Variants in MTFR1 observed in about 807,000 individuals in gnomAD.
MTFR1 encodes chondrocyte protein with a poly-proline region.
Under a neutral mutation model 38.8 loss-of-function variants are expected in MTFR1, and 28 were observed. The observed-to-expected ratio is 0.72, with a 90% CI of 0.53 to 0.99. MTFR1 has a LOEUF of 0.99. Ranked by LOEUF, MTFR1 falls within the 50% of genes least tolerant of loss-of-function variation. The pLI is 0.00. For synonymous variants in MTFR1, 145 were observed against 137.0 expected (o/e 1.06, Z -0.41); for missense variants, 358 against 395.5 (o/e 0.91, Z 0.81).
chr8:65,736,975 CA>C (rs756987916), intron 3 of MTFR1, among the ~76,000 whole-genome samples: 3 of 149,698 alleles, frequency 2.0e-5, no homozygotes, highest in Non-Finnish European at 3.0e-5. Flanking sequence ...CTCCACCTCC[CA>C]GGTTCAAGTG....
At chr8:65,670,061 A>G (rs1804527149) in intron 2 of MTFR1, 43 bp downstream of exon 2, 1 of 1,510,668 alleles carries the variant, frequency 6.6e-7, no homozygotes, top group South Asian at 1.2e-5. Flanking sequence ...ACATTTAGAT[A>G]TTTTAAGAAT....
chr8:65,676,980 G>GCA (rs142627153), intron 2 of MTFR1, among the ~76,000 whole-genome samples: 46 of 150,940 alleles, frequency 3.0e-4, no homozygotes, highest in African/African-American at 1.1e-3. Flanking sequence ...GCATGTGCGC[G>GCA]CACACACACA....
intron 3 of MTFR1, chr8:65,726,959 G>C: frequency 6.3e-7 from 1 of 1,584,436 alleles, no homozygotes; most frequent in Middle Eastern, 1.7e-4. Context: ...TTCCAGTACT[G>C]AGGTATTCTA....
At chr8:65,751,553 T>C (rs547007424) in intron 3 of MTFR1, among the ~76,000 whole-genome samples, 1 of 152,174 alleles carries the variant, frequency 6.6e-6, no homozygotes, top group South Asian at 2.1e-4. Flanking sequence ...AGTGCAATGG[T>C]GCGATATCGG....
chr8:65,650,910 A>G (rs1298346756), intron 1 of MTFR1, among the ~76,000 whole-genome samples: 1 of 152,200 alleles, frequency 6.6e-6, no homozygotes, highest in Non-Finnish European at 1.5e-5. Flanking sequence ...GCAAATTTAC[A>G]GTCCCACCAA....
intron 3 of MTFR1, chr8:65,727,976 G>T (rs774294003): frequency 6.6e-6 from 1 of 152,124 alleles, no homozygotes; most frequent in Non-Finnish European, 1.5e-5. Context: ...ATAAATAAAA[G>T]TTTATGATTA....
intron 3 of MTFR1, among the ~76,000 whole-genome samples, chr8:65,756,533 C>G (rs1468159316): frequency 6.6e-6 from 1 of 152,098 alleles, no homozygotes; most frequent in Admixed American, 6.5e-5. Flanking sequence ...GTTTCAACAG[C>G]AGATTTTTCA....
intron 3 of MTFR1, among the ~76,000 whole-genome samples, chr8:65,742,184 C>T (rs79188566): frequency 6.6e-6 from 1 of 152,230 alleles, no homozygotes; most frequent in East Asian, 1.9e-4. Flanking sequence ...GAAAAGCTAC[C>T]CACATAAAAA....
At chr8:65,768,749 ACTT>A (rs1444746347) in intron 3 of MTFR1, among the ~76,000 whole-genome samples, 3 of 152,214 alleles carry the variant, frequency 2.0e-5, no homozygotes, top group Non-Finnish European at 4.4e-5. Context: ...GTTAACAATG[ACTT>A]CTTTATGTAA....
At chr8:65,763,363 C>T (rs184277503) in intron 3 of MTFR1, among the ~76,000 whole-genome samples, 2,025 of 152,126 alleles carry the variant, frequency 0.013, 29 homozygotes, top group South Asian at 0.066. Context: ...GTCAGAAGTT[C>T]GAGACCAGCC....
chr8:65,690,437 G>A (rs1166346823), intron 3 of MTFR1, among the ~76,000 whole-genome samples: 1 of 152,124 alleles, frequency 6.6e-6, no homozygotes, highest in Non-Finnish European at 1.5e-5. Flanking sequence ...GCTTACGCAG[G>A]TGAATTGCTT....
At chr8:65,651,379 C>A (rs544556362) in intron 1 of MTFR1, among the ~76,000 whole-genome samples, 3 of 152,284 alleles carry the variant, frequency 2.0e-5, no homozygotes, top group African/African-American at 7.2e-5. Flanking sequence ...ATTGCCCAGA[C>A]CAATGTCCTG....
At chr8:65,745,676 A>T (rs1056060302) in intron 3 of MTFR1, among the ~76,000 whole-genome samples, 3 of 152,238 alleles carry the variant, frequency 2.0e-5, no homozygotes, top group African/African-American at 7.2e-5. Context: ...ATGAAACATT[A>T]TTTTGTTTTT....
intron 3 of MTFR1, among the ~76,000 whole-genome samples, chr8:65,752,177 C>T (rs992122967): frequency 6.6e-6 from 1 of 152,188 alleles, no homozygotes; most frequent in African/African-American, 2.4e-5. Flanking sequence ...CTTTCCTCTT[C>T]CAGTATTGTT....
chr8:65,772,287 T>C (rs1809121110), downstream of MTFR1, among the ~76,000 whole-genome samples: 1 of 152,230 alleles, frequency 6.6e-6, no homozygotes, highest in East Asian at 1.9e-4. Flanking sequence ...ACTATTTTTA[T>C]TTCAGCATGC....
rs116295660 is a variant in MTFR1, at chr8:65,755,372, G to A, written c.*49-15575G>A. On this transcript the variant is annotated intron_variant, in intron 3 of 3. Coordinates refer to the MTFR1 transcript ENST00000521247. ...TTTTGTTTTGTTTTGTTTTGTTTGT[G>A]CATCATTTTGATTCCCTCCTTTCCT... 3.3e-3 allele frequency among the ~76,000 whole-genome samples: 505 copies of A among 152,074 alleles called. 3 individuals are homozygous for A. The highest frequency in any genetic ancestry group is 0.011 in the African/African-American group (467 of 41,456).
At chr8:65,659,404 A>G (rs1238796362) in intron 1 of MTFR1, among the ~76,000 whole-genome samples, 1 of 151,444 alleles carries the variant, frequency 6.6e-6, no homozygotes, top group Non-Finnish European at 1.5e-5. Flanking sequence ...GATCACAATC[A>G]AGATCACTGA....
intron 3 of MTFR1, among the ~76,000 whole-genome samples, chr8:65,691,055 T>C (rs910118381): frequency 6.6e-6 from 1 of 152,164 alleles, no homozygotes; most frequent in East Asian, 1.9e-4. Flanking sequence ...TTAAGTTGTA[T>C]GAGATACCCA....
chr8:65,667,324 T>C (rs2129050545), intron 1 of MTFR1, among the ~76,000 whole-genome samples: 1 of 149,200 alleles, frequency 6.7e-6, no homozygotes, highest in South Asian at 2.1e-4. Flanking sequence ...TAAAATTTTC[T>C]ATAGAGCCAA....
Sources: gnomAD v4.1 joint callset for allele counts (sites outside exome capture counted in the v4.1 genomes callset) on GRCh38, gnomAD v4.1.1 for gene constraint, MANE v1.5 for transcripts, NCBI Gene and HGNC (gene_info 2026-07-23, HGNC 2026-07-21) for gene names.